Variants in TMED8 observed in about 807,000 individuals in gnomAD.
TMED8 encodes the protein protein TMED8.
TMED8 carries 15 observed loss-of-function variants against 32.7 expected under a neutral mutation model. The observed-to-expected ratio is 0.46, with a 90% CI of 0.31 to 0.71. The LOEUF is 0.71. TMED8 is among the 30% of genes least tolerant of loss of function. The pLI is 0.06. For missense variants in TMED8, 390 were observed against 423.9 expected (o/e 0.92, Z 0.70); for synonymous variants, 147 against 161.4 (o/e 0.91, Z 0.68).
At position 77,340,054 on chromosome 14, in the gene TMED8, A is replaced by G. The variant is rs1219069813; in HGVS notation, c.*1717T>C. On this transcript the variant is annotated 3_prime_UTR_variant, in exon 6 of 6. Coordinates refer to ENST00000216468, the MANE Select transcript of TMED8 (RefSeq NM_213601.3). ...AGACAAAGGACTCTGAAATCCTGGA[A>G]TCACGGGATATCTCTGATTGGTTAG... 6.6e-6 allele frequency: 1 copy of G among 152,198 alleles called. No individual in the cohort carries two copies. Among genetic ancestry groups the G allele is most frequent in the Non-Finnish European group, 1.5e-5 (1 of 68,030 alleles). 9.4% of individuals were successfully genotyped at this position (152,198 alleles called of 1,614,324 possible).
intron 1 of TMED8, among the ~76,000 whole-genome samples, chr14:77,369,584 C>T (rs148696698): frequency 1.3e-3 from 191 of 152,328 alleles, no homozygotes; most frequent in African/African-American, 4.4e-3. Flanking sequence ...CCTTGTCACT[C>T]AGCTTCCCCA....
chr14:77,349,973 G>A (rs1488386960), intron 2 of TMED8, among the ~76,000 whole-genome samples: 1 of 152,212 alleles, frequency 6.6e-6, no homozygotes, highest in Non-Finnish European at 1.5e-5. Context: ...TTAGGGTTTT[G>A]TTTAATCCTC....
intron 2 of TMED8, among the ~76,000 whole-genome samples, chr14:77,351,213 GC>G (rs1164769463): frequency 5.3e-5 from 8 of 151,872 alleles, no homozygotes; most frequent in Admixed American, 2.0e-4. Context: ...CTGGCCCGGC[GC>G]GGTGGCTCAC....
At chr14:77,369,252 CTT>C (rs1893624604) in intron 1 of TMED8, among the ~76,000 whole-genome samples, 1 of 152,190 alleles carries the variant, frequency 6.6e-6, no homozygotes, top group East Asian at 1.9e-4. Context: ...CCTGACTACT[CTT>C]TAAAAACTTT....
intron 1 of TMED8, among the ~76,000 whole-genome samples, chr14:77,367,730 G>C (rs999667775): frequency 6.8e-6 from 1 of 147,690 alleles, no homozygotes; most frequent in Non-Finnish European, 1.5e-5. Flanking sequence ...TCTCACTCTT[G>C]TTGCCCAGGC....
Position 77,368,718 on chromosome 14 carries a change from G to A in TMED8, c.118+8218C>T, listed in dbSNP as rs534729697. Among the ~76,000 whole-genome samples the A allele has an allele frequency of 9.4e-4, 143 of 152,146 alleles. 1 individual carries two copies. The highest frequency in any genetic ancestry group is 3.3e-3 in the African/African-American group (135 of 41,504). On this transcript the variant is annotated intron_variant, in intron 1 of 5. Coordinates refer to ENST00000216468, the MANE Select transcript of TMED8 (RefSeq NM_213601.3). ...TCTCGAACTCCTGACCTCATGATCCGCCCACCTTGGCCTCCCAAAGTGCTG... is the reference window on the plus strand; with the variant it reads ...TCTCGAACTCCTGACCTCATGATCCACCCACCTTGGCCTCCCAAAGTGCTG...
intron 1 of TMED8, among the ~76,000 whole-genome samples, chr14:77,363,429 T>C (rs1447409928): frequency 2.0e-5 from 3 of 152,080 alleles, no homozygotes; most frequent in African/African-American, 4.8e-5. Context: ...AAATATAACA[T>C]ACTAAAACCT....
chr14:77,358,896 T>TTTTGTTTG (rs371643806), intron 1 of TMED8, among the ~76,000 whole-genome samples: 139 of 152,184 alleles, frequency 9.1e-4, no homozygotes, highest in African/African-American at 3.2e-3. Context: ...TGCAACTTTT[T>TTTTGTTTG]TTTGTTTGTT....
At chr14:77,348,035 T>C (rs1893090115) in intron 2 of TMED8, among the ~76,000 whole-genome samples, 2 of 152,328 alleles carry the variant, frequency 1.3e-5, no homozygotes, top group South Asian at 2.1e-4. Context: ...TAGAATGAAC[T>C]CAGAAGCAGA....
At chr14:77,372,084 A>G (rs1017386446) in intron 1 of TMED8, among the ~76,000 whole-genome samples, 1 of 152,224 alleles carries the variant, frequency 6.6e-6, no homozygotes, top group Non-Finnish European at 1.5e-5. Context: ...AGTCATTACC[A>G]TGGTTCCTCA....
At chr14:77,347,299 G>A (rs191620677) in intron 2 of TMED8, among the ~76,000 whole-genome samples, 9 of 152,318 alleles carry the variant, frequency 5.9e-5, no homozygotes, top group Admixed American at 5.2e-4. Flanking sequence ...TGATGATCAA[G>A]GCAACCCTCT....
chr14:77,347,564 G>A (rs1422814585), intron 2 of TMED8, among the ~76,000 whole-genome samples: 4 of 152,084 alleles, frequency 2.6e-5, no homozygotes, highest in African/African-American at 7.2e-5. Flanking sequence ...CACGACACCC[G>A]GCTAATTTTG....
chr14:77,338,492 C>CA lies in TMED8; in HGVS notation c.*3278dup, dbSNP rs1327758070. ...CTTTTCAGGTAAAGTTTAACTCTCT[C>CA]AACCAACTGCCAGTCAGGAACTCTT... On this transcript the variant is annotated 3_prime_UTR_variant, in exon 6 of 6. Transcript: ENST00000216468. The CA allele has an allele frequency of 8.5e-5, 13 of 152,228 alleles. No individual in the cohort carries two copies. The highest frequency in any genetic ancestry group is 3.1e-4 in the African/African-American group (13 of 41,454). The allele number at this position is 152,228 out of a possible 1,614,324, so 9.4% of individuals were successfully genotyped here.
At position 77,351,675 on chromosome 14, in the gene TMED8, G is replaced by A. The variant is rs766228858; in HGVS notation, c.195C>T (p.His65=). ...AGCATTCTATCCAAAGTGGTTACCT[G>A]TGGGGTGAGGAGCAGGGTTCTGGAT... ...ATDPEPCSSP[H]RPQMVSPVSK... is the part of the protein sequence containing the mutation. Residue 65 remains histidine (H), a splice_region_variant and synonymous_variant, in exon 2 of 6, where the codon CAC becomes CAT. Transcript: ENST00000216468. The A allele has an allele frequency of 2.5e-6, 4 of 1,613,208 alleles. No individual in the cohort carries two copies. In the South Asian group the frequency reaches 4.4e-5, roughly 18 times the overall value.
At chr14:77,360,992 T>G (rs1023752373) in intron 1 of TMED8, among the ~76,000 whole-genome samples, 1 of 149,758 alleles carries the variant, frequency 6.7e-6, no homozygotes, top group African/African-American at 2.5e-5. Context: ...TTTTTTTTTT[T>G]TTCAGACAGA....
chr14:77,353,639 A>G (rs1232516444), intron 1 of TMED8, among the ~76,000 whole-genome samples: 1 of 148,870 alleles, frequency 6.7e-6, no homozygotes, highest in Non-Finnish European at 1.5e-5. Context: ...TTTTTTTTGT[A>G]GAGATGGGGG....
In TMED8 at chr14:77,336,636, T is replaced by C. The variant is rs923469234; in HGVS notation, c.*5135A>G. On this transcript the variant is annotated 3_prime_UTR_variant, in exon 6 of 6. Transcript: ENST00000216468. ...ATAGGTTTGCTCTCCCCTCCCCCCATACTCCTACCCTTTGCCCCCTAATTT... is the reference window on the plus strand; with the variant it reads ...ATAGGTTTGCTCTCCCCTCCCCCCACACTCCTACCCTTTGCCCCCTAATTT... 8 of 149,240 alleles carry C rather than the reference T, an allele frequency of 5.4e-5. No homozygotes were observed. Among genetic ancestry groups the C allele is most frequent in the African/African-American group, 1.7e-4 (7 of 40,862 alleles). The allele number at this position is 149,240 out of a possible 1,614,324, so 9.2% of individuals were successfully genotyped here. A position where few individuals can be genotyped will look rare whatever the true frequency, so the allele number is the denominator to read the frequency against.
chr14:77,373,360 G>A (rs1321143436), intron 1 of TMED8, among the ~76,000 whole-genome samples: 2 of 151,566 alleles, frequency 1.3e-5, no homozygotes, highest in East Asian at 3.9e-4. Context: ...CAACAAGTAT[G>A]CCTCAGATAG....
intron 2 of TMED8, among the ~76,000 whole-genome samples, chr14:77,348,634 G>A (rs1373385855): frequency 6.6e-6 from 1 of 152,136 alleles, no homozygotes; most frequent in Non-Finnish European, 1.5e-5. Context: ...CCTGCTTGAG[G>A]GCATCATTTC....
Sources: gnomAD v4.1 joint callset for allele counts (sites outside exome capture counted in the v4.1 genomes callset) on GRCh38, gnomAD v4.1.1 for gene constraint, MANE v1.5 for transcripts, NCBI Gene and HGNC (gene_info 2026-07-23, HGNC 2026-07-21) for gene names.